UBASH3A: variants seen among roughly 807,000 people sequenced by gnomAD.
The protein encoded by UBASH3A is ubiquitin associated and SH3 domain containing A.
In UBASH3A, 63 loss-of-function variants were observed where a neutral mutation model predicts 73.5. The ratio of observed to expected loss-of-function variants is 0.86; its 90% CI spans 0.70 to 1.06. The LOEUF (loss-of-function observed/expected upper bound fraction) is 1.06. UBASH3A is among the 50% of genes least tolerant of loss of function. UBASH3A has a pLI of 0.00. For missense variants in UBASH3A, 860 were observed against 859.0 expected (o/e 1.00, Z -0.02); for synonymous variants, 363 against 351.1 (o/e 1.03, Z -0.38).
At chr21:42,410,763 C>G (rs923617034) in intron 3 of UBASH3A, among the ~76,000 whole-genome samples, 3 of 152,010 alleles carry the variant, frequency 2.0e-5, no homozygotes, top group Non-Finnish European at 4.4e-5. Flanking sequence ...CCTTCCCCAG[C>G]CCACTGAGGT....
intron 12 of UBASH3A, 126 bp downstream of exon 12, chr21:42,442,722 A>G: frequency 9.7e-7 from 1 of 1,031,274 alleles, no homozygotes. Context: ...GGGGTTTTGC[A>G]GCAGGGGAGA....
chr21:42,445,665 A>C (rs1309513705), intron 14 of UBASH3A, among the ~76,000 whole-genome samples: 1 of 152,238 alleles, frequency 6.6e-6, no homozygotes, highest in Admixed American at 6.5e-5. Flanking sequence ...ATTGTCACTC[A>C]GCAATTAGGC....
At chr21:42,441,234 A>G (rs1019117036) in intron 11 of UBASH3A, among the ~76,000 whole-genome samples, 7 of 152,060 alleles carry the variant, frequency 4.6e-5, no homozygotes, top group Non-Finnish European at 8.8e-5. Context: ...TTTAAATTCA[A>G]TGTCAGAGAA....
intron 11 of UBASH3A, among the ~76,000 whole-genome samples, chr21:42,439,092 A>T (rs1173621446): frequency 6.6e-6 from 1 of 152,108 alleles, no homozygotes. Context: ...GAGCACCTTC[A>T]AATCCAGGTG....
chr21:42,445,200 G>A (rs542376058), intron 14 of UBASH3A, among the ~76,000 whole-genome samples: 10 of 152,344 alleles, frequency 6.6e-5, no homozygotes, highest in African/African-American at 2.2e-4. Flanking sequence ...CAAAGCCAGA[G>A]GGTGATGTCC....
chr21:42,407,253 T>C (rs1240272382), intron 2 of UBASH3A, among the ~76,000 whole-genome samples: 1 of 151,982 alleles, frequency 6.6e-6, no homozygotes, highest in Non-Finnish European at 1.5e-5. Flanking sequence ...AATCAAACAA[T>C]AAAAACCAGG....
intron 2 of UBASH3A, 123 bp downstream of exon 2, chr21:42,406,484 T>C: frequency 1.3e-6 from 1 of 770,280 alleles, no homozygotes; most frequent in Non-Finnish European, 2.2e-6. Flanking sequence ...ATGGGGCCAC[T>C]GCGGAAGTGA....
intron 8 of UBASH3A, among the ~76,000 whole-genome samples, chr21:42,428,701 C>G (rs2146560072): frequency 6.6e-6 from 1 of 151,892 alleles, no homozygotes; most frequent in East Asian, 1.9e-4. Context: ...GAGAAGTACC[C>G]AGGTATTGGG....
chr21:42,409,748 G>A, intron 3 of UBASH3A, 140 bp downstream of exon 3: 1 of 733,324 alleles, frequency 1.4e-6, no homozygotes, highest in Non-Finnish European at 2.2e-6. Flanking sequence ...CTTCATATGA[G>A]CTGTCCTTTA....
chr21:42,417,208 A>G (rs2053228819), intron 6 of UBASH3A, among the ~76,000 whole-genome samples: 1 of 152,078 alleles, frequency 6.6e-6, no homozygotes, highest in African/African-American at 2.4e-5. Context: ...GGATCACTTC[A>G]GGTCAGGTGT....
At chr21:42,435,164 G>A in intron 10 of UBASH3A, 1 of 448,058 alleles carries the variant, frequency 2.2e-6, no homozygotes, top group Non-Finnish European at 3.9e-6. Context: ...GTTTGATCTA[G>A]GAATGGATGA....
At chr21:42,436,086 G>T (rs1000740499) in intron 10 of UBASH3A, among the ~76,000 whole-genome samples, 3 of 151,860 alleles carry the variant, frequency 2.0e-5, no homozygotes, top group Non-Finnish European at 4.4e-5. Context: ...TATAGAGTTA[G>T]AGTCATAGAG....
At position 42,416,503 on chromosome 21, in the gene UBASH3A, C is replaced by G; in HGVS notation, c.729C>G (p.Pro243=). The part of the protein sequence containing the change: ...LHLTLAHKFY[P]HHQRTLEQLA... Reference sequence around the variant, plus strand: ...TGACCTTGGCCCACAAGTTCTACCCCCACCACCAGAGGACGCTGGAGCAGC... The same window carrying G: ...TGACCTTGGCCCACAAGTTCTACCCGCACCACCAGAGGACGCTGGAGCAGC... The change falls in exon 6 of 15, where the codon CCC becomes CCG. Residue 243 remains proline, a synonymous_variant. Coordinates refer to ENST00000319294, the MANE Select transcript of UBASH3A (RefSeq NM_018961.4). The G allele has an allele frequency of 1.2e-6, 2 of 1,611,510 alleles. No individual in the cohort carries two copies. The highest frequency in any genetic ancestry group is 1.1e-5 in the South Asian group (1 of 90,546).
At chr21:42,435,102 G>C in intron 10 of UBASH3A, 148 bp downstream of exon 10, 2 of 1,031,960 alleles carry the variant, frequency 1.9e-6, no homozygotes, top group Admixed American at 2.6e-5. Flanking sequence ...GGGGCACAGA[G>C]AGGTTAAGCA....
At chr21:42,409,980 C>T (rs2053057231) in intron 3 of UBASH3A, 3 of 673,402 alleles carry the variant, frequency 4.5e-6, no homozygotes, top group Non-Finnish European at 8.1e-6. Flanking sequence ...AAGGCAGATA[C>T]CTCACTCATC....
chr21:42,431,923 G>A (rs1235207169), intron 8 of UBASH3A, among the ~76,000 whole-genome samples, 180 bp from the exon 9 acceptor site: 1 of 152,188 alleles, frequency 6.6e-6, no homozygotes, highest in Non-Finnish European at 1.5e-5. Context: ...AAATTGAAGA[G>A]ATTGTCAATT....
intron 6 of UBASH3A, among the ~76,000 whole-genome samples, chr21:42,417,878 C>CTTTTTTTTTTTTTTTTTTTTTTTT (rs796939696): frequency 2.2e-5 from 2 of 90,634 alleles, no homozygotes; most frequent in African/African-American, 4.4e-5. Flanking sequence ...TTCTTTTTTT[C>CTTTTTTTTTTTTTTTTTTTTTTTT]TTTTTTTTTT....
chr21:42,416,788 C>G (rs1047656200), intron 6 of UBASH3A, among the ~76,000 whole-genome samples, 177 bp downstream of exon 6: 4 of 152,152 alleles, frequency 2.6e-5, no homozygotes, highest in African/African-American at 9.7e-5. Context: ...AAAAAATTAG[C>G]CAGGCACGGC....
chr21:42,442,377 C>T, intron 11 of UBASH3A, 75 bp from the exon 12 acceptor site: 15 of 1,481,788 alleles, frequency 1.0e-5, no homozygotes, highest in Admixed American at 1.8e-5. Context: ...GGTCTGAGAT[C>T]TAAAAGGAGA....
Sources: gnomAD v4.1 joint callset for allele counts (sites outside exome capture counted in the v4.1 genomes callset) on GRCh38, gnomAD v4.1.1 for gene constraint, MANE v1.5 for transcripts, NCBI Gene and HGNC (gene_info 2026-07-23, HGNC 2026-07-21) for gene names.